SNRK: variants seen among roughly 807,000 people sequenced by gnomAD.
SNRK encodes the protein SNF related kinase.
A neutral mutation model predicts 48.2 loss-of-function variants in SNRK; 3 were observed. The observed-to-expected ratio is 0.06, with a 90% CI of 0.03 to 0.16. The LOEUF (loss-of-function observed/expected upper bound fraction) is 0.16, where lower values mean the gene tolerates loss of function less well. Among genes scored for constraint, SNRK ranks in the 10% least tolerant of loss-of-function variants. The pLI is 1.00. For synonymous variants in SNRK, 376 were observed against 366.1 expected, an observed-to-expected ratio of 1.03 and a Z score of -0.31; for missense variants, 627 against 976.0, an observed-to-expected ratio of 0.64 and a Z score of 4.76.
intron 3 of SNRK, among the ~76,000 whole-genome samples, chr3:43,323,928 G>A (rs1448617285): frequency 1.3e-5 from 2 of 152,146 alleles, no homozygotes; most frequent in Non-Finnish European, 1.5e-5. Context: ...GCTGGGCTTG[G>A]GGAAGGGATG....
chr3:43,325,957 A>G (rs1261808751), intron 3 of SNRK, among the ~76,000 whole-genome samples: 2 of 152,090 alleles, frequency 1.3e-5, no homozygotes, highest in East Asian at 3.9e-4. Flanking sequence ...TGTTTTCGCC[A>G]TCTTATCTTT....
At chr3:43,326,315 C>T (rs1002062375) in intron 3 of SNRK, among the ~76,000 whole-genome samples, 6 of 151,938 alleles carry the variant, frequency 3.9e-5, no homozygotes, top group African/African-American at 1.2e-4. Flanking sequence ...TAACCACCAC[C>T]TTCCTCTGTA....
At position 43,347,970 on chromosome 3, in the gene SNRK, G is replaced by A. The variant is rs775184271; in HGVS notation, c.1711G>A (p.Glu571Lys). 12 of 1,613,890 alleles carry A rather than the reference G, an allele frequency of 7.4e-6. No individual in the cohort carries two copies. The highest frequency in any genetic ancestry group is 1.7e-5 in the Admixed American group (1 of 60,008). Residue 571 changes from glutamate to lysine, a missense_variant, in exon 7 of 7, where the codon GAG becomes AAG. By Grantham distance (56) the Glu-to-Lys change is moderately conservative (BLOSUM62 1). This residue lies in a region of SNRK where 98 missense variants were observed against 175.2 expected (regional missense o/e 0.56). Coordinates refer to ENST00000296088, the MANE Select transcript of SNRK (RefSeq NM_017719.5). The surrounding 1 kb of genome is among the most constrained non-coding windows in gnomAD (Gnocchi z 5.4). ...TYSWHRRDSS[E>K]GPPGSEGDGG... is the part of the protein sequence containing the mutation. ...CTCCTGGCACCGACGGGATAGCAGC[G>A]AGGGGCCCCCTGGCAGTGAGGGGGA...
intron 3 of SNRK, among the ~76,000 whole-genome samples, chr3:43,326,259 TTTC>T (rs1238097492): frequency 6.6e-6 from 1 of 152,102 alleles, no homozygotes; most frequent in African/African-American, 2.4e-5. Flanking sequence ...TTAGTCTCCT[TTTC>T]TTCTTAGCTT....
intron 1 of SNRK, among the ~76,000 whole-genome samples, chr3:43,298,981 A>T (rs976004967): frequency 2.0e-5 from 3 of 152,092 alleles, no homozygotes; most frequent in African/African-American, 7.2e-5. Flanking sequence ...TGAGGGTTTC[A>T]TGAGCCTTTA....
intron 3 of SNRK, among the ~76,000 whole-genome samples, chr3:43,324,898 T>G (rs546407726): frequency 6.6e-6 from 1 of 152,362 alleles, no homozygotes; most frequent in South Asian, 2.1e-4. Context: ...TACTCTCAAA[T>G]GAGGAAGTTA....
rs1425439458 is a variant in SNRK, at chr3:43,349,516, AGATT to A, written c.*960_*963del. 2 of 152,228 alleles carry A rather than the reference AGATT, an allele frequency of 1.3e-5. No individual in the cohort carries two copies. The highest frequency in any genetic ancestry group is 2.9e-5 in the Non-Finnish European group (2 of 68,036). 9.4% of individuals were successfully genotyped at this position (152,228 alleles called of 1,614,324 possible). On this transcript the variant is annotated 3_prime_UTR_variant, in exon 7 of 7. Coordinates refer to ENST00000296088, the MANE Select transcript of SNRK (RefSeq NM_017719.5). The stretch of plus-strand genomic sequence containing the variant: ...TTTGGTTTTTAGGAGTTTGGTAATT[AGATT>A]ATCTCTTTTGTTATTTTCATTCAGT...
chr3:43,295,800 G>A (rs1190267208), intron 1 of SNRK, among the ~76,000 whole-genome samples: 5 of 152,112 alleles, frequency 3.3e-5, no homozygotes, highest in East Asian at 1.9e-4. Flanking sequence ...GTGCAGTGGC[G>A]TGATCTCTGC....
chr3:43,326,978 T>C (rs147429918), intron 3 of SNRK, among the ~76,000 whole-genome samples: 4 of 152,264 alleles, frequency 2.6e-5, no homozygotes, highest in Non-Finnish European at 5.9e-5. Flanking sequence ...TATCAGAAAA[T>C]AGATCTAAAA....
chr3:43,302,450 G>GA (rs879820146), intron 2 of SNRK, among the ~76,000 whole-genome samples: 6 of 150,346 alleles, frequency 4.0e-5, no homozygotes, highest in East Asian at 1.9e-4. Context: ...GAAAGTAGAA[G>GA]AAAAAAAAAT....
At position 43,303,343 on chromosome 3, in the gene SNRK, T is replaced by C; in HGVS notation, c.140T>C (p.Ile47Thr). 6.2e-7 allele frequency: 1 copy of C among 1,614,144 alleles called. No individual in the cohort carries two copies. The highest frequency in any genetic ancestry group is 1.1e-5 in the South Asian group (1 of 91,084). Residue 47 changes from isoleucine to threonine, a missense_variant, in exon 3 of 7, where the codon ATT (isoleucine) becomes ACT (threonine). By Grantham distance (89) the Ile-to-Thr change is moderately conservative. This residue lies in a region of SNRK where 147 missense variants were observed against 356.8 expected (regional missense o/e 0.41). Transcript: ENST00000296088. This position sits in a 1 kb window ranked among gnomAD's most constrained non-coding sequence, Gnocchi z 6.2. ...GGTGAAAAGGTGGCAGTAAAAGTTA[T>C]TGACAAGACAAAACTGGACACTCTA... The part of the protein sequence containing the change: ...FTGEKVAVKV[I>T]DKTKLDTLAT...
chr3:43,287,013 C>G (rs1575526104), intron 1 of SNRK, among the ~76,000 whole-genome samples: 1 of 149,288 alleles, frequency 6.7e-6, no homozygotes, highest in East Asian at 2.0e-4. Flanking sequence ...GGAAGGCGCC[C>G]GCATCCCCGC....
At chr3:43,324,402 C>T (rs371503354) in intron 3 of SNRK, among the ~76,000 whole-genome samples, 11 of 151,750 alleles carry the variant, frequency 7.2e-5, no homozygotes, top group South Asian at 2.1e-4. Flanking sequence ...CCGGCTACTC[C>T]GGAGGCTGAG....
intron 6 of SNRK, among the ~76,000 whole-genome samples, chr3:43,346,357 A>G (rs1171971247): frequency 6.6e-6 from 1 of 152,218 alleles, no homozygotes; most frequent in Non-Finnish European, 1.5e-5. Context: ...CTTTATTATT[A>G]TAACTATATG....
intron 3 of SNRK, among the ~76,000 whole-genome samples, chr3:43,330,878 G>C (rs565997869): frequency 6.6e-6 from 1 of 152,196 alleles, no homozygotes; most frequent in Admixed American, 6.5e-5. Flanking sequence ...TTTTTCATCT[G>C]ATTCATTAGT....
chr3:43,341,700 A>G (rs762715542), intron 5 of SNRK, among the ~76,000 whole-genome samples: 57 of 152,204 alleles, frequency 3.7e-4, no homozygotes, highest in Non-Finnish European at 7.4e-4. Flanking sequence ...GATTTGATCC[A>G]GTTCCCTGAC....
chr3:43,332,971 A>T (rs539968914), intron 4 of SNRK: 1 of 152,292 alleles, frequency 6.6e-6, no homozygotes, highest in Admixed American at 6.5e-5. Context: ...TTTTTTAATG[A>T]GCTCAGCTGA....
chr3:43,308,311 C>G (rs2090953727), intron 3 of SNRK, among the ~76,000 whole-genome samples: 1 of 152,210 alleles, frequency 6.6e-6, no homozygotes, highest in Non-Finnish European at 1.5e-5. Flanking sequence ...CACTGAACAA[C>G]AGATTTTTGA....
chr3:43,336,748 TGTTTTG>T (rs1208013767), intron 4 of SNRK, among the ~76,000 whole-genome samples: 2 of 151,712 alleles, frequency 1.3e-5, no homozygotes, highest in African/African-American at 2.4e-5. Flanking sequence ...TTTGTTTGTT[TGTTTTG>T]GTTTTGGTTT....
Sources: allele counts gnomAD v4.1 joint callset (sites outside exome capture counted in the v4.1 genomes callset), GRCh38; gene constraint gnomAD v4.1.1; regional missense constraint gnomAD v4.1.1; non-coding constraint Gnocchi (gnomAD v3.1); transcripts MANE v1.5; gene names NCBI Gene and HGNC (gene_info 2026-07-23, HGNC 2026-07-21).